Variants in CRAMP1 observed in about 807,000 individuals in gnomAD.
The protein encoded by CRAMP1 is cramped chromatin regulator 1, also known as protein cramped-like.
Under a neutral mutation model 115.4 loss-of-function variants are expected in CRAMP1, and 50 were observed. That is an observed-to-expected ratio of 0.43 (90% CI 0.35 to 0.55). The LOEUF is 0.55. Among genes scored for constraint, CRAMP1 ranks in the 20% least tolerant of loss-of-function variants. The pLI is 0.01. For missense variants in CRAMP1, 1,679 were observed against 1,721.7 expected (o/e 0.98, Z 0.44); for synonymous variants, 866 against 745.4 (o/e 1.16, Z -2.64).
rs146891097 is a variant in CRAMP1, at chr16:1,626,889, C to T, written c.540+723C>T. ...ACATCATATTGGAGCACAGCCATGG[C>T]CAGGGTCGATGTACTGTCTGCGGCT... On this transcript the variant is annotated intron_variant, in intron 3 of 20. Coordinates refer to ENST00000397412, the MANE Select transcript of CRAMP1 (RefSeq NM_020825.4). 3.9e-3 allele frequency among the ~76,000 whole-genome samples: 590 copies of T among 152,244 alleles called. 3 individuals carry two copies. Among genetic ancestry groups the T allele is most frequent in the African/African-American group, 0.014 (570 of 41,530 alleles).
rs151115937 is a variant in CRAMP1, at chr16:1,654,297, C to T, written c.1038-922C>T. On this transcript the variant is annotated intron_variant, in intron 8 of 20. Transcript: ENST00000397412. ...CGCAGTCTCGGCTCACTGCAACCTC[C>T]GTCTCCCACGTTTAAGTGATTCTCC... Among the ~76,000 whole-genome samples, 69 of 151,474 alleles carry T rather than the reference C, an allele frequency of 4.6e-4. 1 individual carries two copies. Among genetic ancestry groups the T allele is most frequent in the African/African-American group, 1.5e-3 (62 of 41,330 alleles).
chr16:1,624,487 C>T (rs1034186131), intron 2 of CRAMP1, among the ~76,000 whole-genome samples: 13 of 151,812 alleles, frequency 8.6e-5, no homozygotes, highest in African/African-American at 3.1e-4. Flanking sequence ...GATCTCGGCT[C>T]ACTGCAACCT....
At chr16:1,627,765 A>G (rs1437726970) in intron 3 of CRAMP1, among the ~76,000 whole-genome samples, 12 of 152,168 alleles carry the variant, frequency 7.9e-5, no homozygotes, top group Non-Finnish European at 1.8e-4. Context: ...GGAGGGTTCT[A>G]GAGTACAGCA....
chr16:1,637,644 G>A (rs893194488), intron 4 of CRAMP1, among the ~76,000 whole-genome samples, 180 bp from the exon 5 acceptor site: 10 of 152,142 alleles, frequency 6.6e-5, no homozygotes, highest in South Asian at 4.1e-4. Context: ...TTTGAAAATC[G>A]CAGACACAGC....
intron 8 of CRAMP1, among the ~76,000 whole-genome samples, chr16:1,653,582 C>T (rs1028829862): frequency 2.6e-5 from 4 of 152,174 alleles, no homozygotes; most frequent in Admixed American, 6.5e-5. Context: ...ATAATCCCAG[C>T]GCTTTGGGAG....
intron 3 of CRAMP1, 35 bp downstream of exon 3, chr16:1,626,201 G>A (rs1027773846): frequency 6.9e-7 from 1 of 1,447,846 alleles, no homozygotes; most frequent in Non-Finnish European, 9.2e-7. Flanking sequence ...CAGGCAGCCT[G>A]GGCGTCCCTC....
intron 19 of CRAMP1, 30 bp from the exon 20 acceptor site, chr16:1,670,633 AG>A: frequency 6.2e-7 from 1 of 1,612,294 alleles, no homozygotes; most frequent in Non-Finnish European, 8.5e-7. Context: ...AGCAGGGTTC[AG>A]GGTGTTTTCC....
At position 1,675,800 on chromosome 16, in the gene CRAMP1, CCCAAACCTCTTAGGGG is replaced by C. The variant is rs2036962563; in HGVS notation, c.*1756_*1771del. On this transcript the variant is annotated 3_prime_UTR_variant, in exon 21 of 21. Transcript: ENST00000397412. ...TGACATGAGATCTTAAGCAAACAGT[CCCAAACCTCTTAGGGG>C]TGAAAAAAGAAACATGCCACTTGAT... The C allele has an allele frequency of 6.6e-6, 1 of 152,238 alleles. No individual in the cohort carries two copies. Among genetic ancestry groups the C allele is most frequent in the Non-Finnish European group, 1.5e-5 (1 of 68,052 alleles). 9.4% of individuals were successfully genotyped at this position (152,238 alleles called of 1,614,324 possible).
rs2036733728 is a variant in CRAMP1 at position 1,652,579 on chromosome 16, A to G, written c.911A>G (p.Asp304Gly). The G allele has an allele frequency of 1.9e-6, 3 of 1,552,380 alleles. No homozygotes were observed. Among genetic ancestry groups the G allele is most frequent in the Non-Finnish European group, 1.7e-6 (2 of 1,147,282 alleles). ...CRALKKLCDP[D>G]GLSDEEDQKP... ...GCCCTGAAGAAGCTGTGCGATCCAG[A>G]TGGTAAGTGAATGGGGCGCTCCCGG... Residue 304 changes from aspartate (D) to glycine (G), a missense_variant and splice_region_variant, in exon 7 of 21, where the codon GAT becomes GGT. Coordinates refer to ENST00000397412, the MANE Select transcript of CRAMP1 (RefSeq NM_020825.4).
chr16:1,642,940 A>T (rs2036645055), intron 6 of CRAMP1, among the ~76,000 whole-genome samples: 1 of 152,242 alleles, frequency 6.6e-6, no homozygotes, highest in Non-Finnish European at 1.5e-5. Flanking sequence ...CTGCAGCGCC[A>T]TCCGCGGGAG....
chr16:1,645,351 T>C (rs2036665639), intron 6 of CRAMP1: 1 of 256,532 alleles, frequency 3.9e-6, no homozygotes, highest in South Asian at 3.1e-5. Context: ...CACGCCCGGC[T>C]AATTTTTTAT....
At chr16:1,624,794 G>A (rs895639420) in intron 2 of CRAMP1, among the ~76,000 whole-genome samples, 1 of 152,128 alleles carries the variant, frequency 6.6e-6, no homozygotes, top group Admixed American at 6.5e-5. Flanking sequence ...ATGTTGGCCA[G>A]GTTGGTCTCG....
At chr16:1,653,704 C>T (rs1348290931) in intron 8 of CRAMP1, among the ~76,000 whole-genome samples, 2 of 151,588 alleles carry the variant, frequency 1.3e-5, no homozygotes, top group Admixed American at 1.3e-4. Flanking sequence ...GCCTGTAGTC[C>T]CAGCTACTCG....
chr16:1,662,276 C>A (rs2036838113), intron 11 of CRAMP1, among the ~76,000 whole-genome samples: 1 of 152,164 alleles, frequency 6.6e-6, no homozygotes, highest in Non-Finnish European at 1.5e-5. Flanking sequence ...ATCCAGGAGA[C>A]CAGTGGTCTG....
At position 1,666,552 on chromosome 16, in the gene CRAMP1, G is replaced by C. The variant is rs1404024130; in HGVS notation, c.2988G>C (p.Gln996His). The C allele has an allele frequency of 1.2e-6, 2 of 1,613,844 alleles. No individual in the cohort carries two copies. The highest frequency in any genetic ancestry group is 2.2e-5 in the South Asian group (2 of 91,078). Residue 996 changes from glutamine to histidine, a missense_variant, in exon 16 of 21, where the codon CAG (glutamine) becomes CAC (histidine). This residue lies in a region of CRAMP1 where 709 missense variants were observed against 741.9 expected (regional missense o/e 0.96). Transcript: ENST00000397412. This position sits in a 1 kb window ranked among gnomAD's most constrained non-coding sequence, Gnocchi z 5.0. ...AGGTGACGGGTGCCATCTCGGGGCA[G>C]GACTCTACTGGAACTCACCAGGATG... ...SDEVTGAISG[Q>H]DSTGTHQDGD...
intron 6 of CRAMP1, among the ~76,000 whole-genome samples, chr16:1,642,698 G>A (rs1283602210): frequency 1.3e-5 from 2 of 152,264 alleles, no homozygotes; most frequent in Non-Finnish European, 2.9e-5. Context: ...TCTGATGTCA[G>A]CTGACCAGTA....
At chr16:1,658,730 G>A (rs1006905871) in intron 10 of CRAMP1, among the ~76,000 whole-genome samples, 7 of 152,234 alleles carry the variant, frequency 4.6e-5, no homozygotes, top group Non-Finnish European at 8.8e-5. Flanking sequence ...AGTAGCATAG[G>A]AAGGGTCATG....
rs1205477790 is a variant in CRAMP1, at chr16:1,654,157, G to A, written c.1037+1001G>A. The stretch of plus-strand genomic sequence containing the variant: ...GATTCCATCTCAAAAAAAAAAAAAA[G>A]AAAAAATTGAGGTAAAATTCACATA... On this transcript the variant is annotated intron_variant, in intron 8 of 20. Transcript: ENST00000397412. 9.6e-3 allele frequency among the ~76,000 whole-genome samples: 1,408 copies of A among 146,850 alleles called. 10 individuals are homozygous for A. The highest frequency in any genetic ancestry group is 0.017 in the Non-Finnish European group (1,098 of 66,480).
intron 3 of CRAMP1, 65 bp from the exon 4 acceptor site, chr16:1,632,147 C>T: frequency 6.7e-7 from 1 of 1,485,118 alleles, no homozygotes; most frequent in African/African-American, 1.4e-5. Flanking sequence ...TGGAAAGGGT[C>T]CAGTTAACAC....
Sources: gnomAD v4.1 joint callset for allele counts (sites outside exome capture counted in the v4.1 genomes callset) on GRCh38, gnomAD v4.1.1 for gene constraint, gnomAD v4.1.1 regional missense constraint, Gnocchi (gnomAD v3.1) non-coding constraint, MANE v1.5 for transcripts, NCBI Gene and HGNC (gene_info 2026-07-23, HGNC 2026-07-21) for gene names.